The following ATP5F1A variants were observed in gnomAD, a reference collection of about 807,000 sequenced individuals.
ATP5F1A encodes the protein ATP synthase F(1) complex subunit alpha, mitochondrial.
Under a neutral mutation model 57.4 loss-of-function variants are expected in ATP5F1A, and 24 were observed. The observed-to-expected ratio is 0.42, with a 90% confidence interval of 0.30 to 0.59. The LOEUF is 0.59. ATP5F1A is among the 20% of genes least tolerant of loss of function. The pLI is 0.19. For synonymous variants in ATP5F1A, 251 were observed against 255.5 expected, an observed-to-expected ratio of 0.98 and a Z score of 0.17; for missense variants, 494 against 707.9, an observed-to-expected ratio of 0.70 and a Z score of 3.43.
At chr18:46,097,849 G>A in intron 1 of ATP5F1A, 1 of 1,155,842 alleles carries the variant, frequency 8.7e-7, no homozygotes, top group Non-Finnish European at 1.1e-6. Flanking sequence ...TTCAGAACAG[G>A]CCTCGGAGAG....
At position 46,098,092 on chromosome 18, in the gene ATP5F1A, G is replaced by A. The variant is rs745786301; in HGVS notation, c.60+80C>T. ...ATTCGCCACAGCCCCTCGCCCTCCT[G>A]CAGAGAGCGCCCGAGCCGGCGCACC... On this transcript the variant is annotated intron_variant, in intron 1 of 11. Transcript: ENST00000398752. 2.6e-6 allele frequency: 4 copies of A among 1,511,732 alleles called. No homozygotes were observed. The South Asian group carries it at 3.7e-5, about 14-fold the overall frequency. The allele number at this position is 1,511,732 out of a possible 1,614,324, so 93.6% of individuals were successfully genotyped here.
upstream of ATP5F1A, among the ~76,000 whole-genome samples, chr18:46,098,747 C>T (rs1368642109): frequency 2.0e-5 from 3 of 152,160 alleles, no homozygotes; most frequent in African/African-American, 4.8e-5. Flanking sequence ...GAGCCTCCCA[C>T]GGAGCCCGTT....
chr18:46,087,258 G>A, intron 7 of ATP5F1A, 26 bp from the exon 8 acceptor site: 1 of 1,611,982 alleles, frequency 6.2e-7, no homozygotes, highest in East Asian at 2.2e-5. Flanking sequence ...GGTTTGTGAA[G>A]TTAACCTATT....
At chr18:46,096,992 A>C (rs1473689557) in intron 1 of ATP5F1A, among the ~76,000 whole-genome samples, 1 of 151,432 alleles carries the variant, frequency 6.6e-6, no homozygotes, top group African/African-American at 2.4e-5. Context: ...CAAAAAAAAA[A>C]AAAAAAAAAA....
chr18:46,087,334 C>T lies in ATP5F1A; in HGVS notation c.951+7G>A, dbSNP rs748362380. 6.2e-7 allele frequency: 1 copy of T among 1,613,684 alleles called. No homozygotes were observed. The highest frequency in any genetic ancestry group is 8.5e-7 in the Non-Finnish European group (1 of 1,179,872). On this transcript the variant is annotated splice_region_variant and intron_variant, in intron 7 of 11. Coordinates refer to ENST00000398752, the MANE Select transcript of ATP5F1A (RefSeq NM_004046.6). Reference sequence around the variant, plus strand: ...TAAATGGATTCTAAAAATTTATTTCCTTTGACCTGTTTGGATAAGTCGTCA... The same window carrying T: ...TAAATGGATTCTAAAAATTTATTTCTTTTGACCTGTTTGGATAAGTCGTCA...
intron 5 of ATP5F1A, 107 bp from the exon 6 acceptor site, chr18:46,088,364 A>C (rs1201514187): frequency 2.2e-5 from 24 of 1,074,672 alleles, no homozygotes; most frequent in Middle Eastern, 2.7e-4. Flanking sequence ...AGAAAGAAGA[A>C]GACATAAGAA....
Position 46,087,436 on chromosome 18 carries a change from G to C in ATP5F1A, c.856C>G (p.Gln286Glu). 1.9e-6 allele frequency: 3 copies of C among 1,614,224 alleles called. No individual in the cohort carries two copies. The highest frequency in any genetic ancestry group is 2.5e-6 in the Non-Finnish European group (3 of 1,180,042). The change falls in exon 7 of 12, where the codon CAG becomes GAG. Residue 286 changes from glutamine to glutamate, a missense_variant. Gln to Glu is a conservative substitution (Grantham distance 29). Around this residue, in one of 6 missense-constraint regions of ATP5F1A, gnomAD observed 191 missense variants for 267.7 expected, o/e 0.71. Transcript: ENST00000398752. ...SATASDAAPLQYLAPYSGCSM... is the reference protein window; with the variant it reads ...SATASDAAPLEYLAPYSGCSM... ...CAGCCAGAGTAAGGAGCCAGGTACT[G>C]AAGTGGGGCAGCATCCGAGGCCGTA... is the stretch of plus-strand genomic sequence containing the variant.
upstream of ATP5F1A, chr18:46,098,339 C>G: frequency 7.1e-7 from 1 of 1,416,562 alleles, no homozygotes; most frequent in Admixed American, 2.4e-5. Flanking sequence ...CCACCTGACC[C>G]GGAAGTACTG....
At chr18:46,099,610 T>A (rs1421817120), upstream of ATP5F1A, among the ~76,000 whole-genome samples, 1 of 152,070 alleles carries the variant, frequency 6.6e-6, no homozygotes, top group Non-Finnish European at 1.5e-5. Context: ...CCTGGCTAAT[T>A]TTTTTGTAAA....
intron 1 of ATP5F1A, among the ~76,000 whole-genome samples, chr18:46,103,484 CCAGCTA>C (rs1220352379): frequency 1.3e-5 from 2 of 151,398 alleles, no homozygotes; most frequent in African/African-American, 4.9e-5. Context: ...ACCTGTAATC[CCAGCTA>C]CTCGGAAGGC....
chr18:46,100,666 G>A (rs1192178521), upstream of ATP5F1A, among the ~76,000 whole-genome samples: 9 of 152,196 alleles, frequency 5.9e-5, no homozygotes, highest in African/African-American at 2.2e-4. Flanking sequence ...AAAGTTCATT[G>A]TCACTAGTAA....
At chr18:46,090,085 TGG>T in intron 3 of ATP5F1A, 89 bp from the exon 4 acceptor site, 1 of 131,834 alleles carries the variant, frequency 7.6e-6, no homozygotes, top group Non-Finnish European at 1.5e-5. Flanking sequence ...AGTCGGGGGG[TGG>T]GGGGGGAAGC....
At position 46,082,899 on chromosome 18, in the gene ATP5F1A, TG is replaced by T. The variant is rs1909843402; in HGVS notation, c.*1382del. On this transcript the variant is annotated 3_prime_UTR_variant, in exon 12 of 12. Transcript: ENST00000398752. ...CCTTGTCTCTACTAAAAATACAAAA[TG>T]TTAGCCGGGTGTGGTGGCATGGGCC... 6.6e-6 allele frequency: 1 copy of T among 150,690 alleles called. No individual in the cohort carries two copies. Among genetic ancestry groups the T allele is most frequent in the Non-Finnish European group, 1.5e-5 (1 of 67,666 alleles). The allele number at this position is 150,690 out of a possible 1,614,324, so 9.3% of individuals were successfully genotyped here.
chr18:46,084,621 A>G lies in ATP5F1A; in HGVS notation c.1463T>C (p.Ile488Thr). 1 of 1,596,088 alleles carries G rather than the reference A, an allele frequency of 6.3e-7. No homozygotes were observed. Among genetic ancestry groups the G allele is most frequent in the Non-Finnish European group, 8.5e-7 (1 of 1,175,090 alleles). The part of the protein sequence containing the change: ...PMAIEEQVAV[I>T]YAGVRGYLDK... The stretch of plus-strand genomic sequence containing the variant: ...AAGATATCCCCTTACACCCGCATAG[A>G]TAACAGCCACTTGTTCTTCAATAGC... The change falls in exon 11 of 12, where the codon ATC becomes ACC. Residue 488 changes from isoleucine (I) to threonine (T), a missense_variant. Ile to Thr is a moderately conservative substitution (Grantham distance 89, BLOSUM62 -1). Coordinates refer to ENST00000398752, the MANE Select transcript of ATP5F1A (RefSeq NM_004046.6).
At position 46,090,001 on chromosome 18, in the gene ATP5F1A, A is replaced by C. The variant is rs748085869; in HGVS notation, c.310-5T>G. 3 of 1,580,308 alleles carry C rather than the reference A, an allele frequency of 1.9e-6. No individual in the cohort carries two copies. The African/African-American group carries it at 4.1e-5, about 21-fold the overall frequency. ...TTCCAAGTTCAAGGACATACCCTGCACAAAAGACACAATTGAACATCAATG... is the reference window on the plus strand; with the variant it reads ...TTCCAAGTTCAAGGACATACCCTGCCCAAAAGACACAATTGAACATCAATG... On this transcript the variant is annotated splice_polypyrimidine_tract_variant and splice_region_variant and intron_variant, in intron 3 of 11. Coordinates refer to ENST00000398752, the MANE Select transcript of ATP5F1A (RefSeq NM_004046.6).
chr18:46,087,327 T>G lies in ATP5F1A; in HGVS notation c.951+14A>C. On this transcript the variant is annotated intron_variant, in intron 7 of 11. Transcript: ENST00000398752. Reference sequence around the variant, plus strand: ...GTACAAATAAATGGATTCTAAAAATTTATTTCCTTTGACCTGTTTGGATAA... The same window carrying G: ...GTACAAATAAATGGATTCTAAAAATGTATTTCCTTTGACCTGTTTGGATAA... 2 of 1,612,598 alleles carry G rather than the reference T, an allele frequency of 1.2e-6. No individual in the cohort carries two copies. Among genetic ancestry groups the G allele is most frequent in the South Asian group, 2.2e-5 (2 of 90,912 alleles).
chr18:46,095,052 C>A lies in ATP5F1A; in HGVS notation c.139+1G>T. On this transcript the variant is annotated splice_donor_variant, in intron 2 of 11. Coordinates refer to ENST00000398752, the MANE Select transcript of ATP5F1A (RefSeq NM_004046.6). LOFTEE classifies it high-confidence loss of function. ...GCGTAGACTGAGAAATAATAACTTA[C>A]CAGTCTTTTGAAGATGAGTGTTAGA... The A allele has an allele frequency of 6.2e-7, 1 of 1,609,046 alleles. No homozygotes were observed. Among genetic ancestry groups the A allele is most frequent in the Non-Finnish European group, 8.5e-7 (1 of 1,177,390 alleles).
intron 11 of ATP5F1A, 43 bp downstream of exon 11, chr18:46,084,461 T>G (rs750150923): frequency 1.9e-6 from 3 of 1,574,552 alleles, no homozygotes; most frequent in Admixed American, 4.0e-5. Flanking sequence ...CTTCATATCT[T>G]AAACATAACT....
chr18:46,096,982 CAAAAAAAA>C (rs71160709), intron 1 of ATP5F1A, among the ~76,000 whole-genome samples: 4 of 75,170 alleles, frequency 5.3e-5, no homozygotes, highest in African/African-American at 1.2e-4. Flanking sequence ...GACACCATCT[CAAAAAAAA>C]AAAAAAAAAA....
Sources: gnomAD v4.1 joint callset for allele counts (sites outside exome capture counted in the v4.1 genomes callset) on GRCh38, gnomAD v4.1.1 for gene constraint, gnomAD v4.1.1 regional missense constraint, MANE v1.5 for transcripts, NCBI Gene and HGNC (gene_info 2026-07-23, HGNC 2026-07-21) for gene names.